The following FSTL4 variants were observed in gnomAD, a reference collection of about 807,000 sequenced individuals.
FSTL4 encodes the protein follistatin-related protein 4.
In FSTL4, 28 loss-of-function variants were observed where a neutral mutation model predicts 78.2. The ratio of observed to expected loss-of-function variants is 0.36; its 90% CI spans 0.27 to 0.49. The LOEUF (loss-of-function observed/expected upper bound fraction) is 0.49, where lower values mean the gene tolerates loss of function less well. FSTL4 is among the 20% of genes least tolerant of loss of function. The probability of loss-of-function intolerance (pLI) is 0.98; values close to 1 mark genes in which losing one functional copy is unlikely to be tolerated. For synonymous variants in FSTL4, 422 were observed against 440.5 expected, an observed-to-expected ratio of 0.96 and a Z score of 0.53; for missense variants, 922 against 1,084.9, an observed-to-expected ratio of 0.85 and a Z score of 2.11.
intron 2 of FSTL4, among the ~76,000 whole-genome samples, chr5:133,578,998 G>A (rs1760343746): frequency 1.3e-5 from 2 of 152,204 alleles, no homozygotes; most frequent in African/African-American, 4.8e-5. Flanking sequence ...CATCACAACA[G>A]TTAGCAGCAT....
intron 6 of FSTL4, among the ~76,000 whole-genome samples, chr5:133,294,842 T>C (rs562876839): frequency 1.3e-5 from 2 of 152,240 alleles, no homozygotes; most frequent in East Asian, 1.9e-4. Context: ...CTCCTTACCA[T>C]GGAATTCCAT....
At chr5:133,774,228 A>G in the FSTL4 span, among the ~76,000 whole-genome samples, 1 of 152,194 alleles carries the variant, frequency 6.6e-6, no homozygotes, top group Non-Finnish European at 1.5e-5. Context: ...GATCAAGCAT[A>G]AAGCCTAAGT....
intron 3 of FSTL4, among the ~76,000 whole-genome samples, chr5:133,533,030 A>G (rs903526629): frequency 6.6e-6 from 1 of 152,220 alleles, no homozygotes; most frequent in Non-Finnish European, 1.5e-5. Context: ...ATTCCTGCTC[A>G]GCAACAAACA....
rs1005330050 is a variant in FSTL4 at position 133,440,032 on chromosome 5, C to G, written c.161-39046G>C. Reference sequence around the variant, plus strand: ...CTGCAGACCCACAGTTCTTAGTGAGCAGAGCCCTGGGGGTGGGGGACATGC... The same window carrying G: ...CTGCAGACCCACAGTTCTTAGTGAGGAGAGCCCTGGGGGTGGGGGACATGC... On this transcript the variant is annotated intron_variant, in intron 3 of 15. Coordinates refer to ENST00000265342, the MANE Select transcript of FSTL4 (RefSeq NM_015082.2). The surrounding 1 kb of genome is among the most constrained non-coding windows in gnomAD (Gnocchi z 4.1). Among the ~76,000 whole-genome samples the G allele has an allele frequency of 2.6e-5, 4 of 152,118 alleles. No homozygotes were observed. The highest frequency in any genetic ancestry group is 5.9e-5 in the Non-Finnish European group (4 of 68,022).
chr5:133,484,003 C>T (rs894926597), intron 3 of FSTL4, among the ~76,000 whole-genome samples: 9 of 152,374 alleles, frequency 5.9e-5, no homozygotes, highest in Non-Finnish European at 1.2e-4. Context: ...CACCTCAAAT[C>T]TCCAGCTCTC....
the FSTL4 span, among the ~76,000 whole-genome samples, chr5:133,805,341 A>C: frequency 6.6e-6 from 1 of 152,022 alleles, no homozygotes; most frequent in African/African-American, 2.4e-5. Context: ...CAGCTGCATC[A>C]CTCAAGAGTC....
At position 133,599,664 on chromosome 5, in the gene FSTL4, G is replaced by A. The variant is rs1580813975; in HGVS notation, c.126+4194C>T. 2.0e-5 allele frequency among the ~76,000 whole-genome samples: 3 copies of A among 151,934 alleles called. No individual in the cohort carries two copies. In the South Asian group the frequency reaches 6.3e-4, roughly 32 times the overall value. The stretch of plus-strand genomic sequence containing the variant: ...TGAAAGACGTATAAGACCATGTAAC[G>A]CCCACCATTCAATCTCAGAGCCCAG... On this transcript the variant is annotated intron_variant, in intron 2 of 15. Coordinates refer to ENST00000265342, the MANE Select transcript of FSTL4 (RefSeq NM_015082.2).
the FSTL4 span, among the ~76,000 whole-genome samples, chr5:133,709,913 C>A: frequency 6.6e-6 from 1 of 152,228 alleles, no homozygotes; most frequent in South Asian, 2.1e-4. Flanking sequence ...TGCAGAAGCC[C>A]AATATGCTCT....
the FSTL4 span, among the ~76,000 whole-genome samples, chr5:133,715,437 G>C: frequency 6.6e-6 from 1 of 152,196 alleles, no homozygotes; most frequent in African/African-American, 2.4e-5. Context: ...TTCTCATTTA[G>C]AGAGAACAAT....
At chr5:133,501,553 G>A (rs1201725399) in intron 3 of FSTL4, among the ~76,000 whole-genome samples, 1 of 152,186 alleles carries the variant, frequency 6.6e-6, no homozygotes, top group Non-Finnish European at 1.5e-5. Flanking sequence ...GATGACATGG[G>A]ATCTATTTTT....
chr5:133,214,295 A>C (rs1750837195), intron 13 of FSTL4, among the ~76,000 whole-genome samples: 1 of 152,200 alleles, frequency 6.6e-6, no homozygotes, highest in South Asian at 2.1e-4. Flanking sequence ...AGCTTCAATA[A>C]ATCTCAAAGG....
chr5:133,310,795 C>G (rs1390511761), intron 6 of FSTL4, among the ~76,000 whole-genome samples: 1 of 152,184 alleles, frequency 6.6e-6, no homozygotes, highest in African/African-American at 2.4e-5. Context: ...TGTCTTGGAA[C>G]TATCCCCAGA....
chr5:133,273,345 T>A (rs1361881300), intron 6 of FSTL4, among the ~76,000 whole-genome samples: 2 of 152,266 alleles, frequency 1.3e-5, no homozygotes, highest in African/African-American at 4.8e-5. Context: ...TATACTTACA[T>A]CTCAATTTGG....
intron 8 of FSTL4, among the ~76,000 whole-genome samples, chr5:133,231,229 C>G (rs765274991): frequency 4.6e-5 from 7 of 151,936 alleles, no homozygotes; most frequent in Non-Finnish European, 1.0e-4. Flanking sequence ...CTCAACTATG[C>G]CCCATTTTTC....
intron 3 of FSTL4, among the ~76,000 whole-genome samples, chr5:133,559,594 G>A (rs149960467): frequency 3.9e-5 from 6 of 152,310 alleles, no homozygotes; most frequent in African/African-American, 1.4e-4. Context: ...CTTCGACAAT[G>A]TGACTCTTCC....
At chr5:133,431,902 T>C (rs1161447881) in intron 3 of FSTL4, among the ~76,000 whole-genome samples, 1 of 152,164 alleles carries the variant, frequency 6.6e-6, no homozygotes, top group East Asian at 1.9e-4. Context: ...ATAGTGATAC[T>C]AGCATTTATT....
At chr5:133,762,873 A>G in the FSTL4 span, among the ~76,000 whole-genome samples, 227 of 152,216 alleles carry the variant, frequency 1.5e-3, no homozygotes, top group African/African-American at 4.9e-3. Context: ...ACTTGGACCA[A>G]TCAGGTCCAC....
intron 4 of FSTL4, among the ~76,000 whole-genome samples, chr5:133,326,720 C>T (rs1754221759): frequency 6.6e-6 from 1 of 152,226 alleles, no homozygotes; most frequent in East Asian, 1.9e-4. Flanking sequence ...ACACTCTGGA[C>T]CTTGGCTCTG....
intron 3 of FSTL4, among the ~76,000 whole-genome samples, chr5:133,511,135 A>G (rs1305009221): frequency 1.3e-5 from 2 of 152,146 alleles, no homozygotes; most frequent in African/African-American, 4.8e-5. Context: ...CCCCAAGCAC[A>G]GCCAGACCAG....
Sources: allele counts gnomAD v4.1 joint callset (sites outside exome capture counted in the v4.1 genomes callset), GRCh38; gene constraint gnomAD v4.1.1; non-coding constraint Gnocchi (gnomAD v3.1); transcripts MANE v1.5; gene names NCBI Gene and HGNC (gene_info 2026-07-23, HGNC 2026-07-21).